Variants in PTPRQ observed in about 807,000 individuals in gnomAD.
PTPRQ encodes the protein protein tyrosine phosphatase receptor type Q, also known as phosphatidylinositol phosphatase PTPRQ.
PTPRQ carries 199 observed loss-of-function variants against 246.0 expected under a neutral mutation model. The ratio of observed to expected loss-of-function variants is 0.81; its 90% CI spans 0.72 to 0.91. PTPRQ has a LOEUF of 0.91. Ranked by LOEUF, PTPRQ falls within the 40% of genes least tolerant of loss-of-function variation. The pLI is 0.00. For missense variants in PTPRQ, 2,624 were observed against 2,528.4 expected (o/e 1.04, Z -0.81); for synonymous variants, 869 against 853.2 (o/e 1.02, Z -0.32).
chr12:80,676,237 C>T (rs546020085), intron 43 of PTPRQ, among the ~76,000 whole-genome samples: 1 of 152,294 alleles, frequency 6.6e-6, no homozygotes, highest in East Asian at 1.9e-4. Flanking sequence ...GAGGAATATT[C>T]CTGTCTTAGC....
intron 17 of PTPRQ, among the ~76,000 whole-genome samples, chr12:80,521,534 T>G (rs991785972): frequency 6.6e-6 from 1 of 152,198 alleles, no homozygotes; most frequent in African/African-American, 2.4e-5. Context: ...TGAATTAATT[T>G]TTGTGTAAGT....
intron 9 of PTPRQ, among the ~76,000 whole-genome samples, chr12:80,487,384 G>A (rs1475859106): frequency 6.6e-6 from 1 of 152,128 alleles, no homozygotes; most frequent in Non-Finnish European, 1.5e-5. Flanking sequence ...AATAGTGTCA[G>A]TGTGTCAAGA....
chr12:80,559,569 A>G (rs1452260267), intron 25 of PTPRQ, among the ~76,000 whole-genome samples: 2 of 152,118 alleles, frequency 1.3e-5, no homozygotes, highest in African/African-American at 2.4e-5. Flanking sequence ...TGTATACTGA[A>G]AACGTACAAA....
rs138677992 is a variant in PTPRQ at position 80,615,199 on chromosome 12, C to T, written c.5164-1001C>T. ...TAACATACGTTTTTTATTTTTAATA[C>T]TTTTTTTTTGAATTTACAAACTCAA... On this transcript the variant is annotated intron_variant, in intron 29 of 44. Coordinates refer to ENST00000644991, the MANE Select transcript of PTPRQ (RefSeq NM_001145026.2). Among the ~76,000 whole-genome samples the T allele has an allele frequency of 3.3e-5, 5 of 149,886 alleles. 1 individual carries two copies. Among genetic ancestry groups the T allele is most frequent in the African/African-American group, 1.2e-4 (5 of 41,068 alleles).
chr12:80,461,022 A>G (rs1339588289), intron 6 of PTPRQ, 120 bp downstream of exon 6: 1 of 390,432 alleles, frequency 2.6e-6, no homozygotes, highest in East Asian at 3.6e-5. Context: ...CTAATAATAT[A>G]CCATAGGCAT....
chr12:80,542,488 T>G, intron 22 of PTPRQ, 124 bp downstream of exon 22: 1 of 1,376,128 alleles, frequency 7.3e-7, no homozygotes, highest in East Asian at 2.6e-5. Context: ...CTTACCATTA[T>G]ATTTACTTTG....
chr12:80,536,436 A>T (rs1895990475), intron 19 of PTPRQ, among the ~76,000 whole-genome samples: 1 of 152,226 alleles, frequency 6.6e-6, no homozygotes, highest in Admixed American at 6.5e-5. Context: ...CCTAGCAGGG[A>T]GAAAGACAAA....
intron 3 of PTPRQ, among the ~76,000 whole-genome samples, chr12:80,449,795 A>G (rs527777273): frequency 6.6e-6 from 1 of 152,098 alleles, no homozygotes; most frequent in Admixed American, 6.6e-5. Context: ...AGTATAGTTT[A>G]AAGTCAGGTA....
chr12:80,463,950 C>T (rs894178897), intron 6 of PTPRQ, among the ~76,000 whole-genome samples: 4 of 151,904 alleles, frequency 2.6e-5, no homozygotes, highest in Non-Finnish European at 4.4e-5. Flanking sequence ...TAAGAAGAAA[C>T]TGCATCAACT....
intron 43 of PTPRQ, among the ~76,000 whole-genome samples, chr12:80,674,601 T>C (rs765627310): frequency 1.1e-4 from 17 of 152,162 alleles, no homozygotes; most frequent in Non-Finnish European, 2.4e-4. Flanking sequence ...GATATATTTA[T>C]CTTTAAATGT....
chr12:80,620,431 TCATC>T (rs1465307523), intron 32 of PTPRQ, 55 bp downstream of exon 32: 1 of 1,539,508 alleles, frequency 6.5e-7, no homozygotes, highest in African/African-American at 1.4e-5. Flanking sequence ...TTAGTATCTT[TCATC>T]CATCCATCTG....
chr12:80,546,535 A>G, intron 23 of PTPRQ, 21 bp from the exon 24 acceptor site: 1 of 1,534,132 alleles, frequency 6.5e-7, no homozygotes, highest in South Asian at 1.3e-5. Context: ...ATTAACTAAT[A>G]ACTTTTTTTC....
chr12:80,610,317 G>T (rs1010589555), intron 27 of PTPRQ, 122 bp from the exon 28 acceptor site: 1 of 759,818 alleles, frequency 1.3e-6, no homozygotes, highest in Non-Finnish European at 1.8e-6. Context: ...CAATCTGATT[G>T]TAAAATAAAT....
chr12:80,630,790 C>T (rs188441058), intron 33 of PTPRQ, among the ~76,000 whole-genome samples: 238 of 152,284 alleles, frequency 1.6e-3, no homozygotes, highest in African/African-American at 5.1e-3. Flanking sequence ...GATGTCGGCT[C>T]ACTGCAACCT....
chr12:80,561,190 A>C (rs921747438), intron 25 of PTPRQ: 2 of 152,194 alleles, frequency 1.3e-5, no homozygotes, highest in African/African-American at 4.8e-5. Context: ...TCAGAGAGGA[A>C]ATTTGAGCTG....
chr12:80,652,864 T>A (rs1254019216), intron 38 of PTPRQ, 30 bp downstream of exon 38: 9 of 1,435,438 alleles, frequency 6.3e-6, no homozygotes, highest in Admixed American at 3.0e-5. Context: ...TTGGTTTAGC[T>A]AGGAAATATT....
In PTPRQ at chr12:80,542,897, C is replaced by G; in HGVS notation, c.3873+16C>G. On this transcript the variant is annotated intron_variant, in intron 23 of 44. Coordinates refer to ENST00000644991, the MANE Select transcript of PTPRQ (RefSeq NM_001145026.2). ...ATATTATAAGGTAGGTTGATTATAA[C>G]AGTATATGTTTATTTTTAAAAATCA... 7.3e-7 allele frequency: 1 copy of G among 1,362,412 alleles called. No homozygotes were observed. 84.4% of individuals were successfully genotyped at this position (1,362,412 alleles called of 1,614,324 possible).
intron 33 of PTPRQ, among the ~76,000 whole-genome samples, chr12:80,627,347 TAA>T (rs1226263773): frequency 4.2e-5 from 3 of 71,318 alleles, no homozygotes; most frequent in Admixed American, 2.7e-4. Flanking sequence ...TCAATTTTTA[TAA>T]TAATAATAAT....
chr12:80,609,058 C>T (rs1168847413), intron 27 of PTPRQ, among the ~76,000 whole-genome samples: 1 of 150,566 alleles, frequency 6.6e-6, no homozygotes, highest in Non-Finnish European at 1.5e-5. Context: ...TTTCTGTCCA[C>T]TGCTCTGTCT....
Sources: allele counts gnomAD v4.1 joint callset (sites outside exome capture counted in the v4.1 genomes callset), GRCh38; gene constraint gnomAD v4.1.1; transcripts MANE v1.5; gene names NCBI Gene and HGNC (gene_info 2026-07-23, HGNC 2026-07-21).